Variants in SLC2A14 observed in about 807,000 individuals in gnomAD.
The protein encoded by SLC2A14 is solute carrier family 2, facilitated glucose transporter member 14.
Under a neutral mutation model 43.0 loss-of-function variants are expected in SLC2A14, and 13 were observed. The ratio of observed to expected loss-of-function variants is 0.30; its 90% confidence interval spans 0.20 to 0.48. SLC2A14 has a LOEUF of 0.48. SLC2A14 is among the 20% of genes least tolerant of loss of function. The pLI, the probability that SLC2A14 is intolerant of heterozygous loss-of-function variation, is 0.99. For missense variants in SLC2A14, 428 were observed against 620.4 expected (o/e 0.69, Z 3.29); for synonymous variants, 190 against 233.8 (o/e 0.81, Z 1.71).
chr12:7,882,131 T>TCAG (rs1314022752), intron 1 of SLC2A14, among the ~76,000 whole-genome samples: 1 of 152,062 alleles, frequency 6.6e-6, no homozygotes, highest in African/African-American at 2.4e-5. Context: ...TTGTTGCTGC[T>TCAG]CAGTTTTTGG....
At position 7,814,135 on chromosome 12, in the gene SLC2A14, T is replaced by C. The variant is rs1433930540; in HGVS notation, c.*181A>G. 6 of 1,086,366 alleles carry C rather than the reference T, an allele frequency of 5.5e-6. No homozygotes were observed. Among genetic ancestry groups the C allele is most frequent in the Non-Finnish European group, 7.8e-6 (6 of 770,946 alleles). 67.3% of individuals were successfully genotyped at this position (1,086,366 alleles called of 1,614,324 possible). A position where few individuals can be genotyped will look rare whatever the true frequency, so the allele number is the denominator to read the frequency against. ...AAGAGGATGTCCAGGAAATAAAATT[T>C]AAAAAGCCATTGAAGATCCAACAAA... On this transcript the variant is annotated 3_prime_UTR_variant, in exon 11 of 11. Transcript: ENST00000431042.
intron 2 of SLC2A14, among the ~76,000 whole-genome samples, chr12:7,846,247 A>G (rs1866456806): frequency 6.6e-6 from 1 of 152,064 alleles, no homozygotes; most frequent in Admixed American, 6.6e-5. Context: ...GAAACGGTGG[A>G]AAAAGGAAGC....
chr12:7,882,638 A>G (rs1168939155), intron 1 of SLC2A14, among the ~76,000 whole-genome samples: 1 of 152,112 alleles, frequency 6.6e-6, no homozygotes, highest in Non-Finnish European at 1.5e-5. Flanking sequence ...GGGGTTAAAG[A>G]CCAGCCTGGT....
chr12:7,879,003 A>AC (rs1945517088), intron 1 of SLC2A14, among the ~76,000 whole-genome samples: 2 of 139,784 alleles, frequency 1.4e-5, no homozygotes, highest in African/African-American at 2.7e-5. Context: ...AAAAAAAAAA[A>AC]AACAATTTGT....
At chr12:7,837,638 C>CAAAA (rs557069415) in intron 2 of SLC2A14, among the ~76,000 whole-genome samples, 1 of 52,884 alleles carries the variant, frequency 1.9e-5, no homozygotes, top group East Asian at 6.8e-4. Context: ...AACTTCGTCT[C>CAAAA]AAAAAAAAAA....
intron 2 of SLC2A14, among the ~76,000 whole-genome samples, chr12:7,836,079 A>G (rs1865425130): frequency 6.6e-6 from 1 of 152,114 alleles, no homozygotes; most frequent in African/African-American, 2.4e-5. Context: ...TCAAAAATGA[A>G]TCCGTTCCAC....
intron 2 of SLC2A14, among the ~76,000 whole-genome samples, chr12:7,836,670 C>A (rs1865487479): frequency 6.7e-6 from 1 of 149,590 alleles, no homozygotes; most frequent in Non-Finnish European, 1.5e-5. Flanking sequence ...CCCATCTCTA[C>A]TAAAGACACA....
chr12:7,854,166 T>C (rs1867164135), intron 2 of SLC2A14, among the ~76,000 whole-genome samples: 1 of 152,158 alleles, frequency 6.6e-6, no homozygotes, highest in Non-Finnish European at 1.5e-5. Flanking sequence ...AAATTAAGCA[T>C]AGCCAAAGGA....
At chr12:7,885,072 G>A (rs746395824) in intron 1 of SLC2A14, among the ~76,000 whole-genome samples, 105 of 152,188 alleles carry the variant, frequency 6.9e-4, no homozygotes, top group African/African-American at 2.3e-3. Context: ...TAGTAATTCA[G>A]TCCTTGAATA....
chr12:7,871,288 G>T, intron 1 of SLC2A14: 2 of 1,141,776 alleles, frequency 1.8e-6, no homozygotes, highest in Non-Finnish European at 2.2e-6. Flanking sequence ...GATGTACTGG[G>T]AGGCACCCAT....
chr12:7,830,140 TTTC>T, intron 4 of SLC2A14, 134 bp from the exon 5 acceptor site: 2 of 1,155,968 alleles, frequency 1.7e-6, no homozygotes, highest in East Asian at 2.6e-5. Flanking sequence ...TCTTTTTCAC[TTTC>T]TTTTCTTTTC....
intron 2 of SLC2A14, chr12:7,860,416 G>A (rs1472833457): frequency 3.9e-5 from 6 of 152,196 alleles, no homozygotes; most frequent in African/African-American, 1.4e-4. Context: ...GAACTAGTTG[G>A]TCAGGATAGC....
chr12:7,838,051 C>T (rs1169592807), intron 2 of SLC2A14, among the ~76,000 whole-genome samples: 2 of 151,706 alleles, frequency 1.3e-5, no homozygotes, highest in African/African-American at 2.4e-5. Context: ...AGCCACCATG[C>T]CCAGCCTACC....
intron 2 of SLC2A14, among the ~76,000 whole-genome samples, chr12:7,864,336 G>A (rs953779901): frequency 6.6e-6 from 1 of 151,672 alleles, no homozygotes; most frequent in African/African-American, 2.4e-5. Context: ...AACGTCTTTT[G>A]TTGTTGTTGT....
intron 1 of SLC2A14, among the ~76,000 whole-genome samples, chr12:7,883,163 C>G (rs1188233332): frequency 6.6e-6 from 1 of 151,540 alleles, no homozygotes; most frequent in East Asian, 1.9e-4. Context: ...GAGCCAAGAT[C>G]ATGCCATTGC....
At chr12:7,862,156 C>T (rs760809237) in intron 2 of SLC2A14, among the ~76,000 whole-genome samples, 164 of 147,406 alleles carry the variant, frequency 1.1e-3, no homozygotes, top group Non-Finnish European at 1.9e-3. Flanking sequence ...CCCAGCTACT[C>T]AGGTGGCTGA....
chr12:7,828,282 T>C (rs1864673202), intron 6 of SLC2A14, among the ~76,000 whole-genome samples: 2 of 151,904 alleles, frequency 1.3e-5, no homozygotes, highest in Non-Finnish European at 2.9e-5. Context: ...GGAGAATCAC[T>C]TGAACCTGGG....
At chr12:7,874,730 A>T (rs12827274), upstream of SLC2A14, among the ~76,000 whole-genome samples, 45 of 4,542 alleles carry the variant, frequency 9.9e-3, no homozygotes, top group South Asian at 0.18. Flanking sequence ...ATATATAAAA[A>T]ATATATAAAA....
intron 1 of SLC2A14, among the ~76,000 whole-genome samples, chr12:7,889,370 A>T (rs909229834): frequency 4.0e-5 from 6 of 151,084 alleles, no homozygotes; most frequent in African/African-American, 1.5e-4. Flanking sequence ...AGTAGCTGAG[A>T]GATTACAGGC....
Sources: allele counts gnomAD v4.1 joint callset (sites outside exome capture counted in the v4.1 genomes callset), GRCh38; gene constraint gnomAD v4.1.1; transcripts MANE v1.5; gene names NCBI Gene and HGNC (gene_info 2026-07-23, HGNC 2026-07-21).